The following TAB2 variants were observed in gnomAD, a reference collection of about 807,000 sequenced individuals.
The protein encoded by TAB2 is TGF-beta activated kinase 1 (MAP3K7) binding protein 2.
In TAB2, 3 loss-of-function variants were observed where a neutral mutation model predicts 65.0. That is an observed-to-expected ratio of 0.05 (90% confidence interval 0.02 to 0.12). The LOEUF is 0.12. Ranked by LOEUF, TAB2 falls within the 10% of genes least tolerant of loss-of-function variation. TAB2 has a pLI of 1.00. For missense variants in TAB2, 623 were observed against 840.3 expected (o/e 0.74, Z 3.20); for synonymous variants, 298 against 285.1 (o/e 1.05, Z -0.46).
chr6:149,253,999 A>AAAGAAAGAAAG (rs1777930461), intron 1 of TAB2, among the ~76,000 whole-genome samples: 1 of 149,232 alleles, frequency 6.7e-6, no homozygotes, highest in Non-Finnish European at 1.5e-5. Flanking sequence ...AGAAAGAAAG[A>AAAGAAAGAAAG]AAGAAAGAAA....
intron 1 of TAB2, among the ~76,000 whole-genome samples, chr6:149,328,207 A>G (rs965146418): frequency 1.4e-4 from 22 of 152,244 alleles, no homozygotes; most frequent in African/African-American, 5.1e-4. Flanking sequence ...CGTATTTCAT[A>G]TGTCTTCTAT....
intron 1 of TAB2, among the ~76,000 whole-genome samples, chr6:149,306,409 G>T (rs948546817): frequency 1.3e-5 from 2 of 151,934 alleles, no homozygotes; most frequent in Non-Finnish European, 2.9e-5. Flanking sequence ...AATTAGCAGG[G>T]TGTGGTGGCG....
chr6:149,255,917 A>G (rs1023336398), intron 1 of TAB2, among the ~76,000 whole-genome samples: 12 of 152,228 alleles, frequency 7.9e-5, no homozygotes, highest in Admixed American at 5.2e-4. Context: ...AAAACCTCTC[A>G]GTATACTTCC....
At chr6:149,294,754 C>G (rs1778844893) in intron 1 of TAB2, among the ~76,000 whole-genome samples, 1 of 152,156 alleles carries the variant, frequency 6.6e-6, no homozygotes, top group African/African-American at 2.4e-5. Context: ...TAAAAAGATA[C>G]CTACAAACTG....
chr6:149,339,607 T>A (rs1425421342), intron 1 of TAB2, among the ~76,000 whole-genome samples: 7 of 101,312 alleles, frequency 6.9e-5, no homozygotes, highest in Non-Finnish European at 1.2e-4. Context: ...ATTTATTTAT[T>A]TTTTTTTTTT....
intron 6 of TAB2, chr6:149,400,708 C>T (rs375355818): frequency 4.6e-5 from 73 of 1,602,536 alleles, no homozygotes; most frequent in African/African-American, 4.2e-4. Context: ...TACTCCAGAA[C>T]GCTGTTCTTT....
intron 6 of TAB2, among the ~76,000 whole-genome samples, chr6:149,403,375 T>G (rs1212561465): frequency 7.0e-5 from 6 of 85,114 alleles, no homozygotes; most frequent in Non-Finnish European, 1.6e-4. Flanking sequence ...CACACACACA[T>G]ACACATACAC....
At chr6:149,248,389 C>CA in intron 1 of TAB2, among the ~76,000 whole-genome samples, 1 of 109,390 alleles carries the variant, frequency 9.1e-6, no homozygotes, top group Non-Finnish European at 1.8e-5. Flanking sequence ...GAGACTATGT[C>CA]AAAAAAAGAG....
intron 1 of TAB2, among the ~76,000 whole-genome samples, chr6:149,320,876 G>C (rs1465668764): frequency 1.3e-5 from 2 of 152,236 alleles, no homozygotes; most frequent in East Asian, 3.9e-4. Flanking sequence ...ATGACCCAGA[G>C]AACACTAGTA....
chr6:149,306,150 A>T (rs1779062004), intron 1 of TAB2, among the ~76,000 whole-genome samples: 1 of 152,172 alleles, frequency 6.6e-6, no homozygotes, highest in Non-Finnish European at 1.5e-5. Context: ...TCATGCCTGT[A>T]ATCCCAGCAC....
At chr6:149,373,521 C>T (rs1781298729) in intron 2 of TAB2, among the ~76,000 whole-genome samples, 2 of 152,134 alleles carry the variant, frequency 1.3e-5, no homozygotes. Flanking sequence ...TTGCGATCAG[C>T]GATCATATTC....
intron 1 of TAB2, among the ~76,000 whole-genome samples, chr6:149,262,783 T>A (rs529206468): frequency 3.9e-5 from 6 of 152,262 alleles, no homozygotes; most frequent in African/African-American, 1.4e-4. Context: ...GATATTCTCT[T>A]AACTCCTTTT....
chr6:149,324,773 G>T (rs1414477199), intron 1 of TAB2, among the ~76,000 whole-genome samples: 1 of 152,018 alleles, frequency 6.6e-6, no homozygotes, highest in Non-Finnish European at 1.5e-5. Flanking sequence ...ATATGAACTG[G>T]GGCCATAGGG....
intron 3 of TAB2, among the ~76,000 whole-genome samples, chr6:149,380,675 G>A (rs1781576970): frequency 6.6e-6 from 1 of 152,062 alleles, no homozygotes; most frequent in African/African-American, 2.4e-5. Context: ...TTAGAGTAAG[G>A]GCATATCTTA....
intron 1 of TAB2, among the ~76,000 whole-genome samples, chr6:149,280,358 C>T (rs1778551428): frequency 6.6e-6 from 1 of 152,142 alleles, no homozygotes; most frequent in African/African-American, 2.4e-5. Context: ...TCAATCCATA[C>T]TAAAACTGTC....
chr6:149,327,657 A>G (rs1779659420), intron 1 of TAB2, among the ~76,000 whole-genome samples: 1 of 152,188 alleles, frequency 6.6e-6, no homozygotes, highest in South Asian at 2.1e-4. Context: ...AAATACAGAT[A>G]TTTTATAATT....
At chr6:149,407,939 A>G (rs1782722729) in intron 6 of TAB2, among the ~76,000 whole-genome samples, 1 of 152,184 alleles carries the variant, frequency 6.6e-6, no homozygotes, top group Non-Finnish European at 1.5e-5. Context: ...ATTGAAGTGT[A>G]AAAAGGGACT....
intron 1 of TAB2, among the ~76,000 whole-genome samples, chr6:149,289,521 T>C (rs531853355): frequency 1.6e-4 from 24 of 152,198 alleles, no homozygotes; most frequent in Non-Finnish European, 3.1e-4. Context: ...CAACAGGTGT[T>C]TCCCACATGC....
At chr6:149,341,792 T>C (rs1397755273) in intron 1 of TAB2, among the ~76,000 whole-genome samples, 1 of 152,166 alleles carries the variant, frequency 6.6e-6, no homozygotes, top group East Asian at 1.9e-4. Context: ...CTTTTTTTTG[T>C]CCTATTACAG....
Sources: gnomAD v4.1 joint callset for allele counts (sites outside exome capture counted in the v4.1 genomes callset) on GRCh38, gnomAD v4.1.1 for gene constraint, MANE v1.5 for transcripts, NCBI Gene and HGNC (gene_info 2026-07-23, HGNC 2026-07-21) for gene names.